SPRY3: variants seen among roughly 807,000 people sequenced by gnomAD.
The protein encoded by SPRY3 is sprouty RTK signaling antagonist 3.
Under a neutral mutation model 20.2 loss-of-function variants are expected in SPRY3, and 15 were observed. That is an observed-to-expected ratio of 0.74 (90% CI 0.50 to 1.14). The LOEUF (loss-of-function observed/expected upper bound fraction) is 1.14, where lower values mean the gene tolerates loss of function less well. SPRY3 is among the 50% of genes most tolerant of loss of function. The pLI is 0.00. For missense variants in SPRY3, 364 were observed against 363.9 expected (o/e 1.00, Z 0.00); for synonymous variants, 143 against 136.5 (o/e 1.05, Z -0.33).
chrX:155,751,986 AGGAAAGG>A (rs1173967937), intron 2 of SPRY3, among the ~76,000 whole-genome samples: 1 of 148,156 alleles, frequency 6.7e-6, no homozygotes, highest in Non-Finnish European at 1.5e-5. Context: ...AATAAAATAA[AGGAAAGG>A]AAAAGGAAAG....
At chrX:155,724,771 C>A (rs887645923) in intron 2 of SPRY3, among the ~76,000 whole-genome samples, 3 of 152,156 alleles carry the variant, frequency 2.0e-5, no homozygotes, top group Non-Finnish European at 4.4e-5. Flanking sequence ...CAAACAGGGA[C>A]AATTTGACTT....
chrX:155,757,588 C>A (rs1257270944), intron 2 of SPRY3, among the ~76,000 whole-genome samples: 1 of 152,042 alleles, frequency 6.6e-6, no homozygotes, highest in Non-Finnish European at 1.5e-5. Context: ...GAGAATAATG[C>A]TTGTAATGGT....
intron 2 of SPRY3, among the ~76,000 whole-genome samples, chrX:155,688,167 A>G (rs192856580): frequency 2.1e-4 from 23 of 108,146 alleles, no homozygotes; most frequent in African/African-American, 7.1e-4. Flanking sequence ...TAGTTTGCTG[A>G]GGATAATGGC....
At chrX:155,680,473 A>C (rs779942393) in intron 2 of SPRY3, among the ~76,000 whole-genome samples, 7 of 110,511 alleles carry the variant, frequency 6.3e-5, no homozygotes, top group African/African-American at 2.0e-4. Context: ...TGAATGTGGG[A>C]TATTCCCCCA....
intron 2 of SPRY3, among the ~76,000 whole-genome samples, chrX:155,679,055 G>A: frequency 9.0e-6 from 1 of 110,927 alleles, no homozygotes. Flanking sequence ...AGGGGCGTGG[G>A]GGGCTGGGGG....
intron 2 of SPRY3, among the ~76,000 whole-genome samples, chrX:155,681,912 T>A (rs1428052218): frequency 1.8e-5 from 2 of 112,658 alleles, no homozygotes; most frequent in African/African-American, 6.4e-5. Context: ...ATGCAGCAAG[T>A]GCTGATGGGG....
intron 2 of SPRY3, among the ~76,000 whole-genome samples, chrX:155,736,899 G>A (rs59234242): frequency 0.024 from 3,572 of 151,544 alleles, 120 homozygotes; most frequent in African/African-American, 0.08. Flanking sequence ...TTTTCTCTTC[G>A]ATTTTCAGCT....
intron 2 of SPRY3, among the ~76,000 whole-genome samples, chrX:155,766,129 G>A (rs952488460): frequency 1.2e-4 from 18 of 152,188 alleles, no homozygotes; most frequent in African/African-American, 3.4e-4. Context: ...TTACACACAC[G>A]CACATACACA....
At chrX:155,624,622 T>A (rs1176925555) in intron 1 of SPRY3, among the ~76,000 whole-genome samples, 1 of 110,716 alleles carries the variant, frequency 9.0e-6, no homozygotes, top group Non-Finnish European at 1.9e-5. Flanking sequence ...TTTAAAATGA[T>A]CAGTTTCCCT....
At chrX:155,623,081 G>A (rs1557349599) in intron 1 of SPRY3, among the ~76,000 whole-genome samples, 1 of 111,982 alleles carries the variant, frequency 8.9e-6, no homozygotes, top group African/African-American at 3.2e-5. Flanking sequence ...CTTCTGATGT[G>A]CAGCTGATTG....
chrX:155,774,872 G>A (rs2091413660), exon 4 of SPRY3: 2 of 1,009,720 alleles, frequency 2.0e-6, no homozygotes, highest in South Asian at 1.6e-5. Context: ...TGCAGTGTCA[G>A]GGGAATGACC....
chrX:155,773,884 G>T (rs1426538764), exon 4 of SPRY3: 2 of 1,613,606 alleles, frequency 1.2e-6, no homozygotes, highest in Non-Finnish European at 1.7e-6. Context: ...GGATGCTGCG[G>T]TGACAGATGA....
At chrX:155,768,464 C>A (rs2091360093) in intron 3 of SPRY3, among the ~76,000 whole-genome samples, 1 of 152,066 alleles carries the variant, frequency 6.6e-6, no homozygotes, top group Non-Finnish European at 1.5e-5. Flanking sequence ...CCCCTCAAAA[C>A]GCAGCCTAAC....
intron 2 of SPRY3, among the ~76,000 whole-genome samples, chrX:155,685,902 G>C (rs1242569341): frequency 9.0e-6 from 1 of 110,822 alleles, no homozygotes; most frequent in Non-Finnish European, 1.9e-5. Context: ...CGAGTAGCTG[G>C]GACTACAGGT....
intron 2 of SPRY3, among the ~76,000 whole-genome samples, chrX:155,748,742 A>G (rs1406495568): frequency 1.3e-5 from 2 of 151,884 alleles, no homozygotes; most frequent in East Asian, 3.9e-4. Flanking sequence ...ACCATCCACC[A>G]TGAAGGGGAA....
At chrX:155,650,614 GTCCTCTACATATTGAAT>G (rs1342561681) in intron 1 of SPRY3, among the ~76,000 whole-genome samples, 1 of 111,699 alleles carries the variant, frequency 9.0e-6, no homozygotes, top group Non-Finnish European at 1.9e-5. Context: ...GGTTTTTCAA[GTCCTCTACATATTGAAT>G]TTTTTGTACA....
intron 2 of SPRY3, among the ~76,000 whole-genome samples, chrX:155,713,120 T>G (rs998476738): frequency 3.3e-5 from 5 of 152,048 alleles, no homozygotes; most frequent in African/African-American, 1.2e-4. Flanking sequence ...TACTTTAAGT[T>G]CTGGGATACA....
At chrX:155,638,895 G>A (rs1557351247) in intron 1 of SPRY3, among the ~76,000 whole-genome samples, 1 of 111,270 alleles carries the variant, frequency 9.0e-6, no homozygotes, top group African/African-American at 3.3e-5. Context: ...GAGAGAGGAG[G>A]GTGAGGTCAG....
At chrX:155,622,117 G>A (rs2067873417) in intron 1 of SPRY3, among the ~76,000 whole-genome samples, 1 of 112,057 alleles carries the variant, frequency 8.9e-6, no homozygotes, top group African/African-American at 3.2e-5. Flanking sequence ...TGGGCATTCA[G>A]AAAAACCCTC....
Sources: allele counts gnomAD v4.1 joint callset (sites outside exome capture counted in the v4.1 genomes callset), GRCh38; gene constraint gnomAD v4.1.1; transcripts MANE v1.5; gene names NCBI Gene and HGNC (gene_info 2026-07-23, HGNC 2026-07-21).